The following TMEFF2 variants were observed in gnomAD, a reference collection of about 807,000 sequenced individuals.
TMEFF2 encodes the protein tomoregulin-2.
Under a neutral mutation model 53.8 loss-of-function variants are expected in TMEFF2, and 28 were observed. That is an observed-to-expected ratio of 0.52 (90% CI 0.39 to 0.71). The LOEUF (loss-of-function observed/expected upper bound fraction) is 0.71, where lower values mean the gene tolerates loss of function less well. Among genes scored for constraint, TMEFF2 ranks in the 30% least tolerant of loss-of-function variants. TMEFF2 has a pLI of 0.00. For synonymous variants in TMEFF2, 162 were observed against 166.3 expected, an observed-to-expected ratio of 0.97 and a Z score of 0.20; for missense variants, 353 against 455.2, an observed-to-expected ratio of 0.78 and a Z score of 2.04.
At chr2:192,022,173 C>T (rs1359601575) in intron 5 of TMEFF2, among the ~76,000 whole-genome samples, 1 of 152,146 alleles carries the variant, frequency 6.6e-6, no homozygotes, top group Non-Finnish European at 1.5e-5. Context: ...TGTGGGGCAG[C>T]AGGGAGGCCT....
At chr2:192,132,070 C>A (rs1306620543) in intron 4 of TMEFF2, among the ~76,000 whole-genome samples, 1 of 152,140 alleles carries the variant, frequency 6.6e-6, no homozygotes, top group East Asian at 1.9e-4. Context: ...TCTTTCTAAT[C>A]TTCCTTTTCT....
intron 4 of TMEFF2, among the ~76,000 whole-genome samples, chr2:192,111,372 A>T (rs1313216768): frequency 2.0e-5 from 3 of 152,124 alleles, no homozygotes; most frequent in Non-Finnish European, 2.9e-5. Context: ...AGTAAAGGTA[A>T]CTATTACTAT....
chr2:191,969,900 A>G (rs370744859), intron 7 of TMEFF2, among the ~76,000 whole-genome samples: 337 of 152,340 alleles, frequency 2.2e-3, no homozygotes, highest in African/African-American at 7.9e-3. Flanking sequence ...AAAACTGGCA[A>G]TAAAAAAGTC....
In TMEFF2 at chr2:192,194,642, G is replaced by A. The variant is rs1238077607; in HGVS notation, c.-118C>T. On this transcript the variant is annotated 5_prime_UTR_variant, in exon 1 of 10. Transcript: ENST00000272771. The surrounding 1 kb of genome is among the most constrained non-coding windows in gnomAD (Gnocchi z 4.2). The stretch of plus-strand genomic sequence containing the variant: ...GGCGGCAGCAGAGGCGGCGGCGGTG[G>A]CAGTGGCACCCGGCGGGGAAGCAGC... 14 of 1,165,078 alleles carry A rather than the reference G, an allele frequency of 1.2e-5. No homozygotes were observed. The highest frequency in any genetic ancestry group is 3.1e-5 in the African/African-American group (2 of 65,178). 72.2% of individuals were successfully genotyped at this position (1,165,078 alleles called of 1,614,324 possible).
intron 4 of TMEFF2, among the ~76,000 whole-genome samples, chr2:192,101,433 A>G (rs1255261619): frequency 2.6e-5 from 4 of 152,204 alleles, no homozygotes; most frequent in Non-Finnish European, 5.9e-5. Flanking sequence ...TCTGCAGTTT[A>G]TAATTTGTGT....
chr2:191,973,120 C>A (rs1692696095), intron 7 of TMEFF2, among the ~76,000 whole-genome samples: 1 of 152,112 alleles, frequency 6.6e-6, no homozygotes, highest in African/African-American at 2.4e-5. Flanking sequence ...AAAAATTAGA[C>A]TATGCAGAAA....
At chr2:192,028,656 T>C (rs1687037389) in intron 5 of TMEFF2, 1 of 152,144 alleles carries the variant, frequency 6.6e-6, no homozygotes, top group Non-Finnish European at 1.5e-5. Context: ...GCAGAGTTGG[T>C]AGAATGCGTG....
Position 191,949,224 on chromosome 2 carries a change from T to C in TMEFF2, c.*1087A>G. On this transcript the variant is annotated 3_prime_UTR_variant, in exon 10 of 10. Coordinates refer to ENST00000272771, the MANE Select transcript of TMEFF2 (RefSeq NM_016192.4). ...TATGCACAAATCAAACAAAAATCCA[T>C]ACCAACTTCCCAGTGAGGTCTTTCA... The C allele has an allele frequency of 1.0e-6, 1 of 985,408 alleles. No individual in the cohort carries two copies. The highest frequency in any genetic ancestry group is 4.7e-5 in the South Asian group (1 of 21,288). 61.0% of individuals were successfully genotyped at this position (985,408 alleles called of 1,614,324 possible). A position where few individuals can be genotyped will look rare whatever the true frequency, so the allele number is the denominator to read the frequency against.
chr2:192,017,216 G>C (rs991950717), intron 5 of TMEFF2, among the ~76,000 whole-genome samples: 5 of 152,188 alleles, frequency 3.3e-5, no homozygotes, highest in Non-Finnish European at 7.4e-5. Context: ...AGGCTGGAGA[G>C]GCAGGTGGGG....
chr2:192,102,287 AC>A (rs1231610960), intron 4 of TMEFF2, among the ~76,000 whole-genome samples: 2 of 152,184 alleles, frequency 1.3e-5, no homozygotes, highest in African/African-American at 2.4e-5. Flanking sequence ...GGACATGCTT[AC>A]AAGCTTATCA....
intron 5 of TMEFF2, among the ~76,000 whole-genome samples, chr2:192,011,101 C>G (rs1013163207): frequency 6.6e-6 from 1 of 151,994 alleles, no homozygotes; most frequent in Non-Finnish European, 1.5e-5. Context: ...GTGAAGAAAA[C>G]GGGTTGGAGA....
rs75792077 is a variant in TMEFF2 at position 192,009,533 on chromosome 2, T to C, written c.537-10325A>G. 9.8e-3 allele frequency among the ~76,000 whole-genome samples: 1,499 copies of C among 152,272 alleles called. 9 individuals are homozygous for C. Among genetic ancestry groups the C allele is most frequent in the Middle Eastern group, 0.031 (9 of 292 alleles). On this transcript the variant is annotated intron_variant, in intron 5 of 9. Coordinates refer to ENST00000272771, the MANE Select transcript of TMEFF2 (RefSeq NM_016192.4). ...GGTATTAACTCTTCATAATTAGAAC[T>C]GATACCAAATGTTTATCCTTCATGA... is the stretch of plus-strand genomic sequence containing the variant.
chr2:192,111,035 G>A (rs372146625), intron 4 of TMEFF2, among the ~76,000 whole-genome samples: 22 of 152,228 alleles, frequency 1.4e-4, no homozygotes, highest in African/African-American at 4.3e-4. Flanking sequence ...CTGTTAGTCC[G>A]TTAAATCTCT....
intron 4 of TMEFF2, among the ~76,000 whole-genome samples, chr2:192,171,127 A>G (rs1690902339): frequency 6.6e-6 from 1 of 152,122 alleles, no homozygotes; most frequent in Non-Finnish European, 1.5e-5. Flanking sequence ...AAAAATTTCA[A>G]AAAGAAGAAG....
intron 4 of TMEFF2, among the ~76,000 whole-genome samples, chr2:192,115,548 C>T (rs2105960110): frequency 6.6e-6 from 1 of 152,022 alleles, no homozygotes; most frequent in African/African-American, 2.4e-5. Context: ...TGAAAAGCAA[C>T]ATATGGAGTG....
chr2:191,958,170 A>G (rs933999520), intron 7 of TMEFF2, among the ~76,000 whole-genome samples: 8 of 152,160 alleles, frequency 5.3e-5, no homozygotes, highest in African/African-American at 1.9e-4. Flanking sequence ...CAAACCATGC[A>G]CCTGCTGTTT....
chr2:192,008,706 G>A (rs187606646), intron 5 of TMEFF2, among the ~76,000 whole-genome samples: 1 of 152,296 alleles, frequency 6.6e-6, no homozygotes, highest in East Asian at 1.9e-4. Flanking sequence ...TTTGAATCAT[G>A]TGGTAGACTA....
chr2:192,181,455 A>G (rs1691182704), intron 3 of TMEFF2, among the ~76,000 whole-genome samples: 1 of 151,784 alleles, frequency 6.6e-6, no homozygotes, highest in Admixed American at 6.6e-5. Context: ...CATAATGGGA[A>G]ATGCATAAAG....
At chr2:192,151,221 A>G (rs534603201) in intron 4 of TMEFF2, among the ~76,000 whole-genome samples, 9 of 151,816 alleles carry the variant, frequency 5.9e-5, no homozygotes, top group African/African-American at 1.7e-4. Context: ...AGTTAATTAA[A>G]CCTCTTTTAT....
Sources: allele counts gnomAD v4.1 joint callset (sites outside exome capture counted in the v4.1 genomes callset), GRCh38; gene constraint gnomAD v4.1.1; non-coding constraint Gnocchi (gnomAD v3.1); transcripts MANE v1.5; gene names NCBI Gene and HGNC (gene_info 2026-07-23, HGNC 2026-07-21).